The following ASAH1 variants were observed in gnomAD, a reference collection of about 807,000 sequenced individuals.
The protein encoded by ASAH1 is N-acylsphingosine amidohydrolase 1.
A neutral mutation model predicts 59.5 loss-of-function variants in ASAH1; 70 were observed. That is an observed-to-expected ratio of 1.18 (90% confidence interval 0.97 to 1.43). The LOEUF (loss-of-function observed/expected upper bound fraction) is 1.43. Among genes scored for constraint, ASAH1 ranks in the 40% most tolerant of loss-of-function variants. The pLI is 0.00. For missense variants in ASAH1, 660 were observed against 482.5 expected (o/e 1.37, Z -3.45); for synonymous variants, 213 against 166.5 (o/e 1.28, Z -2.15).
intron 5 of ASAH1, 96 bp downstream of exon 5, chr8:18,067,124 C>CATACAGCACCTGTGCTGTATATCTAAGAT: frequency 9.2e-6 from 5 of 542,664 alleles, no homozygotes; most frequent in Non-Finnish European, 1.3e-5. Context: ...ATATCTAAGA[C>CATACAGCACCTGTGCTGTATATCTAAGAT]ATACAGCACC....
At chr8:18,061,547 G>T in intron 9 of ASAH1, 89 bp from the exon 10 acceptor site, 1 of 1,441,342 alleles carries the variant, frequency 6.9e-7, no homozygotes, top group Non-Finnish European at 9.8e-7. Context: ...TATATAACCA[G>T]TCAGGAACCA....
At chr8:18,070,898 G>A (rs1390114022) in intron 3 of ASAH1, among the ~76,000 whole-genome samples, 3 of 152,154 alleles carry the variant, frequency 2.0e-5, no homozygotes, top group East Asian at 1.9e-4. Context: ...TCCTTGGGGG[G>A]AAAATAAATA....
chr8:18,061,602 G>C (rs1195549610), intron 9 of ASAH1, 84 bp downstream of exon 9: 3 of 1,503,362 alleles, frequency 2.0e-6, no homozygotes, highest in Non-Finnish European at 2.7e-6. Context: ...GAAGAGGTTG[G>C]ACTTTGTAAC....
intron 10 of ASAH1, 90 bp downstream of exon 10, chr8:18,061,287 G>T: frequency 8.6e-7 from 1 of 1,161,854 alleles, no homozygotes; most frequent in Non-Finnish European, 1.2e-6. Flanking sequence ...GTTCCTCAAA[G>T]GATTAAGCTG....
At chr8:18,084,785 C>G, upstream of ASAH1, 1 of 1,613,666 alleles carries the variant, frequency 6.2e-7, no homozygotes, top group Non-Finnish European at 8.5e-7. Context: ...CTCTCCCAGC[C>G]CGATGCAGCA....
At chr8:18,075,494 A>T (rs961589560) in intron 2 of ASAH1, 47 bp downstream of exon 2, 9 of 1,593,716 alleles carry the variant, frequency 5.6e-6, no homozygotes, top group Non-Finnish European at 7.7e-6. Flanking sequence ...TACAGAAAAA[A>T]CTTCACAAAG....
At chr8:18,082,874 G>A (rs1333344082) in intron 1 of ASAH1, among the ~76,000 whole-genome samples, 1 of 151,864 alleles carries the variant, frequency 6.6e-6, no homozygotes, top group African/African-American at 2.4e-5. Flanking sequence ...CTACCGTCAA[G>A]CAAATTAATT....
chr8:18,056,156 T>C lies in ASAH1; in HGVS notation c.*1378A>G, dbSNP rs1364028576. The C allele has an allele frequency of 6.6e-6, 1 of 152,222 alleles. No individual in the cohort carries two copies. The highest frequency in any genetic ancestry group is 2.4e-5 in the African/African-American group (1 of 41,464). The allele number at this position is 152,222 out of a possible 1,614,324, so 9.4% of individuals were successfully genotyped here. On this transcript the variant is annotated 3_prime_UTR_variant, in exon 14 of 14. Transcript: ENST00000637790. ...TTAATGTAAATCCTCTTATAATTCC[T>C]CGTTTCACTAAAGTAATCTTGGAAT...
At chr8:18,062,125 G>A (rs916301434) in intron 8 of ASAH1, 154 bp downstream of exon 8, 20 of 993,490 alleles carry the variant, frequency 2.0e-5, no homozygotes, top group African/African-American at 4.9e-5. Flanking sequence ...TCTCTACCAC[G>A]AGATCTCATA....
At chr8:18,061,126 C>T in intron 10 of ASAH1, 1 of 353,782 alleles carries the variant, frequency 2.8e-6, no homozygotes, top group Non-Finnish European at 5.3e-6. Flanking sequence ...TTCTGTACAC[C>T]AAAAATATTC....
intron 13 of ASAH1, chr8:18,058,598 A>G: frequency 1.9e-6 from 1 of 538,326 alleles, no homozygotes; most frequent in Non-Finnish European, 3.3e-6. Context: ...CCTTAATTCA[A>G]ATGCTATGTA....
rs1799500789 is a variant in ASAH1 at position 18,057,119 on chromosome 8, T to C, written c.*415A>G. On this transcript the variant is annotated 3_prime_UTR_variant, in exon 14 of 14. Transcript: ENST00000637790. ...TGTTATACAGAAAAACATACAAATA[T>C]GTAGGTAGAAGTGAAAAACTGAAGA... The C allele has an allele frequency of 1.1e-5, 2 of 185,730 alleles. No homozygotes were observed. The highest frequency in any genetic ancestry group is 2.3e-5 in the Non-Finnish European group (2 of 86,882). 11.5% of individuals were successfully genotyped at this position (185,730 alleles called of 1,614,324 possible).
chr8:18,067,017 G>A (rs1799953477), intron 5 of ASAH1: 1 of 407,518 alleles, frequency 2.5e-6, no homozygotes, highest in Non-Finnish European at 4.5e-6. Flanking sequence ...GGAGTGCTGG[G>A]CTCTTCCGTA....
intron 5 of ASAH1, chr8:18,065,886 G>A (rs1242351034): frequency 6.9e-6 from 1 of 144,040 alleles, no homozygotes. Context: ...TACACATTGT[G>A]TGTGTGTGTG....
chr8:18,064,171 G>T, intron 6 of ASAH1: 1 of 554,452 alleles, frequency 1.8e-6, no homozygotes, highest in Non-Finnish European at 3.2e-6. Context: ...AAAGCATGTA[G>T]ATGGGTAGAA....
rs1799584516 is a variant in ASAH1 at position 18,059,162 on chromosome 8, A to G, written c.1041+179T>C. The G allele has an allele frequency of 6.4e-6, 6 of 940,650 alleles. No homozygotes were observed. The South Asian group carries it at 9.8e-5, about 15-fold the overall frequency. 58.3% of individuals were successfully genotyped at this position (940,650 alleles called of 1,614,324 possible). A position where few individuals can be genotyped will look rare whatever the true frequency, so the allele number is the denominator to read the frequency against. ...AGCATTAGAACCAGAAAAGGAAAGT[A>G]CAGCACAATTTTGCTCTTTAAGTTA... On this transcript the variant is annotated intron_variant, in intron 12 of 13. Coordinates refer to ENST00000637790, the MANE Select transcript of ASAH1 (RefSeq NM_177924.5).
chr8:18,075,005 T>TC (rs1290601598), intron 2 of ASAH1, among the ~76,000 whole-genome samples: 2 of 149,064 alleles, frequency 1.3e-5, no homozygotes, highest in East Asian at 3.9e-4. Context: ...TCCTTTCCTT[T>TC]TTTTTTTTGA....
At position 18,064,460 on chromosome 8, in the gene ASAH1, T is replaced by C; in HGVS notation, c.454A>G (p.Lys152Glu). Residue 152 changes from lysine to glutamate, a missense_variant, in exon 6 of 14, where the codon AAA (lysine) becomes GAA (glutamate). Transcript: ENST00000637790. ...CCCTCCCTCAGCGCACAATTACCTT[T>C]TTTGTCTTCTGCTACTATTGAAGTA... ...ICTSIVAEDK[K>E]GHLIHGRNMD... The C allele has an allele frequency of 1.3e-6, 2 of 1,562,388 alleles. No homozygotes were observed. Among genetic ancestry groups the C allele is most frequent in the South Asian group, 1.1e-5 (1 of 89,512 alleles).
At chr8:18,062,934 G>A (rs922703966) in intron 7 of ASAH1, 7 of 410,796 alleles carry the variant, frequency 1.7e-5, no homozygotes, top group African/African-American at 4.3e-5. Flanking sequence ...GCAGTGGCGC[G>A]ATCTCGGCTC....
Sources: allele counts gnomAD v4.1 joint callset (sites outside exome capture counted in the v4.1 genomes callset), GRCh38; gene constraint gnomAD v4.1.1; transcripts MANE v1.5; gene names NCBI Gene and HGNC (gene_info 2026-07-23, HGNC 2026-07-21).